HMGB1: variants seen among roughly 807,000 people sequenced by gnomAD.
HMGB1 encodes high mobility group box 1, also known as high mobility group protein B1.
For missense variants in HMGB1, 79 were observed against 253.5 expected (o/e 0.31, Z 4.67); for synonymous variants, 81 against 84.0 (o/e 0.96, Z 0.19).
chr13:30,531,086 T>C (rs765641336), intron 1 of HMGB1, among the ~76,000 whole-genome samples: 1 of 152,148 alleles, frequency 6.6e-6, no homozygotes, highest in African/African-American at 2.4e-5. Context: ...CATTTGCATA[T>C]GCACAGAAGC....
At chr13:30,539,393 G>T (rs571606393) in intron 1 of HMGB1, among the ~76,000 whole-genome samples, 1 of 152,178 alleles carries the variant, frequency 6.6e-6, no homozygotes. Flanking sequence ...ATGTGGCCTC[G>T]GCAGCTTATT....
At chr13:30,600,815 C>A (rs767291810) in intron 1 of HMGB1, among the ~76,000 whole-genome samples, 5 of 152,152 alleles carry the variant, frequency 3.3e-5, no homozygotes, top group Non-Finnish European at 7.4e-5. Flanking sequence ...AAGGGACACT[C>A]AAGTTGTATT....
Position 30,534,354 on chromosome 13 carries a change from C to T in HMGB1, c.-14-70660G>A, listed in dbSNP as rs966076607. On this transcript the variant is annotated intron_variant, in intron 1 of 4. Transcript: ENST00000405805. ...GCCTCCCATGGCTCCCTTCTTTGGG[C>T]GAAAGCTCTGCTCTACAAAAATGGA... 5.9e-5 allele frequency among the ~76,000 whole-genome samples: 9 copies of T among 152,196 alleles called. No individual in the cohort carries two copies. The East Asian group carries it at 1.3e-3, about 23-fold the overall frequency.
intron 1 of HMGB1, among the ~76,000 whole-genome samples, chr13:30,544,566 C>T (rs184444655): frequency 3.9e-5 from 6 of 152,312 alleles, no homozygotes; most frequent in Non-Finnish European, 7.3e-5. Context: ...AGCTTCCAGA[C>T]AGCTGAAAAC....
intron 1 of HMGB1, among the ~76,000 whole-genome samples, chr13:30,543,800 T>C (rs1409914913): frequency 2.6e-5 from 4 of 152,228 alleles, no homozygotes; most frequent in Admixed American, 1.3e-4. Context: ...CCCTACCTTA[T>C]TGAGAGTTTA....
intron 1 of HMGB1, among the ~76,000 whole-genome samples, chr13:30,502,409 T>A (rs1887753572): frequency 6.6e-6 from 1 of 152,116 alleles, no homozygotes; most frequent in Non-Finnish European, 1.5e-5. Flanking sequence ...TTAAGGCCCA[T>A]CCCCCATCTC....
At chr13:30,517,184 G>A (rs1888120420) in intron 1 of HMGB1, among the ~76,000 whole-genome samples, 1 of 152,170 alleles carries the variant, frequency 6.6e-6, no homozygotes, top group Admixed American at 6.6e-5. Flanking sequence ...ACAGGTTGCT[G>A]GCCCCTGCCA....
chr13:30,580,268 G>C (rs902924201), intron 1 of HMGB1, among the ~76,000 whole-genome samples: 2 of 152,178 alleles, frequency 1.3e-5, no homozygotes, highest in South Asian at 2.1e-4. Context: ...TGCTTTGTTA[G>C]CCAGCAAATA....
In HMGB1 at chr13:30,460,548, A is replaced by G. The variant is rs1886256537; in HGVS notation, c.*809T>C. 1 of 152,392 alleles carries G rather than the reference A, an allele frequency of 6.6e-6. No individual in the cohort carries two copies. The highest frequency in any genetic ancestry group is 6.6e-5 in the Admixed American group (1 of 15,256). 9.4% of individuals were successfully genotyped at this position (152,392 alleles called of 1,614,324 possible). A position where few individuals can be genotyped will look rare whatever the true frequency, so the allele number is the denominator to read the frequency against. On this transcript the variant is annotated 3_prime_UTR_variant, in exon 5 of 5. Coordinates refer to ENST00000341423, the MANE Select transcript of HMGB1 (RefSeq NM_002128.7). The stretch of plus-strand genomic sequence containing the variant: ...AATAGAGTCCTCATGTAAAGGTTAG[A>G]ACATACTTTTCTATTAGTCCTTCAA...
intron 1 of HMGB1, among the ~76,000 whole-genome samples, chr13:30,505,796 G>C (rs1336742469): frequency 6.6e-6 from 1 of 152,090 alleles, no homozygotes; most frequent in African/African-American, 2.4e-5. Context: ...AATCACCTTA[G>C]AGCCAAGCAT....
chr13:30,505,160 T>A (rs1246448418), intron 1 of HMGB1, among the ~76,000 whole-genome samples: 1 of 147,932 alleles, frequency 6.8e-6, no homozygotes, highest in Admixed American at 6.8e-5. Context: ...ATTTATATAT[T>A]TGTTGTTGTC....
chr13:30,511,276 C>T (rs1033355091), intron 1 of HMGB1, among the ~76,000 whole-genome samples: 16 of 152,230 alleles, frequency 1.1e-4, no homozygotes, highest in Middle Eastern at 3.4e-3. Context: ...AAATGTCATC[C>T]CCAACGCTGG....
At chr13:30,617,481 C>CT (rs1470548015) in exon 1 of HMGB1, 3 of 152,362 alleles carry the variant, frequency 2.0e-5, no homozygotes, top group Non-Finnish European at 2.9e-5. Context: ...AAGCCCTTCC[C>CT]TCTCCCACCT....
chr13:30,605,623 C>T (rs370079177), intron 1 of HMGB1, among the ~76,000 whole-genome samples: 5 of 152,336 alleles, frequency 3.3e-5, no homozygotes, highest in South Asian at 2.1e-4. Flanking sequence ...AAAAGTCTCA[C>T]AGGTCTGAAT....
chr13:30,541,216 G>A (rs1593300035), intron 1 of HMGB1, among the ~76,000 whole-genome samples: 1 of 152,292 alleles, frequency 6.6e-6, no homozygotes, highest in Non-Finnish European at 1.5e-5. Flanking sequence ...CTCAGAGCTA[G>A]TGTGTGGTGG....
At chr13:30,609,066 C>G (rs1950487981) in intron 1 of HMGB1, among the ~76,000 whole-genome samples, 1 of 149,208 alleles carries the variant, frequency 6.7e-6, no homozygotes, top group African/African-American at 2.4e-5. Context: ...TCAAGACCAT[C>G]CTGGCTAACA....
chr13:30,550,360 A>G (rs1213272822), intron 1 of HMGB1, among the ~76,000 whole-genome samples: 1 of 152,230 alleles, frequency 6.6e-6, no homozygotes, highest in East Asian at 1.9e-4. Flanking sequence ...TAAAGTCCAA[A>G]GAGGAAAGCA....
chr13:30,507,640 C>T (rs995647059), intron 1 of HMGB1, among the ~76,000 whole-genome samples: 31 of 152,152 alleles, frequency 2.0e-4, no homozygotes, highest in African/African-American at 7.0e-4. Context: ...TCTCCAGTTC[C>T]GGGATACCAT....
At chr13:30,549,208 A>C (rs1869304472) in intron 1 of HMGB1, among the ~76,000 whole-genome samples, 1 of 152,122 alleles carries the variant, frequency 6.6e-6, no homozygotes, top group South Asian at 2.1e-4. Flanking sequence ...GCTTGGGTCC[A>C]GGAGGTCAAG....
Sources: allele counts gnomAD v4.1 joint callset (sites outside exome capture counted in the v4.1 genomes callset), GRCh38; gene constraint gnomAD v4.1.1; transcripts MANE v1.5; gene names NCBI Gene and HGNC (gene_info 2026-07-23, HGNC 2026-07-21).